DLC1: variants seen among roughly 807,000 people sequenced by gnomAD.
The protein encoded by DLC1 is rho GTPase-activating protein 7.
DLC1 carries 54 observed loss-of-function variants against 140.3 expected under a neutral mutation model. The observed-to-expected ratio is 0.38, with a 90% confidence interval of 0.31 to 0.48. DLC1 has a LOEUF of 0.48. DLC1 is among the 20% of genes least tolerant of loss of function. The pLI, the probability that DLC1 is intolerant of heterozygous loss-of-function variation, is 0.96. For missense variants in DLC1, 2,536 were observed against 1,907.0 expected, an observed-to-expected ratio of 1.33 and a Z score of -6.14; for synonymous variants, 986 against 728.1, an observed-to-expected ratio of 1.35 and a Z score of -5.70.
intron 4 of DLC1, among the ~76,000 whole-genome samples, chr8:13,387,952 A>G (rs1389174814): frequency 6.6e-6 from 1 of 152,048 alleles, no homozygotes; most frequent in African/African-American, 2.4e-5. Flanking sequence ...TCTTTGAAAG[A>G]CTGATGGAGT....
At chr8:13,437,689 AG>A (rs1428576864) in intron 2 of DLC1, among the ~76,000 whole-genome samples, 1 of 152,192 alleles carries the variant, frequency 6.6e-6, no homozygotes. Context: ...GCAGAGCTGC[AG>A]GGGCCTCTGA....
intron 1 of DLC1, among the ~76,000 whole-genome samples, chr8:13,600,106 C>T (rs1397590811): frequency 3.3e-5 from 5 of 151,940 alleles, no homozygotes; most frequent in African/African-American, 1.2e-4. Context: ...GAAACATGGT[C>T]CCCTTCTTTT....
At chr8:13,188,487 G>C (rs763526694) in intron 5 of DLC1, among the ~76,000 whole-genome samples, 11 of 149,398 alleles carry the variant, frequency 7.4e-5, no homozygotes, top group Admixed American at 3.3e-4. Context: ...GTTACTTTTG[G>C]GAGTTGAGAG....
chr8:13,257,931 G>A (rs1830315435), intron 5 of DLC1, among the ~76,000 whole-genome samples: 1 of 152,126 alleles, frequency 6.6e-6, no homozygotes, highest in Non-Finnish European at 1.5e-5. Context: ...CTAGAAAAGT[G>A]CCTAGGAAAT....
At chr8:13,220,992 C>G (rs1034838640) in intron 5 of DLC1, among the ~76,000 whole-genome samples, 18 of 152,104 alleles carry the variant, frequency 1.2e-4, no homozygotes, top group Non-Finnish European at 2.9e-5. Flanking sequence ...GTTAGGTGAT[C>G]ACATTTTAAA....
intron 1 of DLC1, among the ~76,000 whole-genome samples, chr8:13,570,840 G>C (rs533814022): frequency 4.6e-5 from 7 of 152,148 alleles, no homozygotes; most frequent in African/African-American, 1.4e-4. Flanking sequence ...AGTTTAGTTT[G>C]TAGAGTCTCC....
chr8:13,492,797 G>C (rs367832699), intron 2 of DLC1, among the ~76,000 whole-genome samples: 4 of 152,284 alleles, frequency 2.6e-5, no homozygotes, highest in African/African-American at 9.6e-5. Context: ...TGCATTTCAA[G>C]TTGGTTTTAG....
chr8:13,410,764 T>G (rs1837747163), intron 2 of DLC1, among the ~76,000 whole-genome samples: 1 of 152,184 alleles, frequency 6.6e-6, no homozygotes, highest in Admixed American at 6.5e-5. Context: ...ATTTGTTATG[T>G]GTACTCTCTG....
intron 2 of DLC1, among the ~76,000 whole-genome samples, chr8:13,450,798 C>T (rs1179565683): frequency 1.3e-5 from 2 of 151,588 alleles, no homozygotes; most frequent in East Asian, 1.9e-4. Flanking sequence ...CCTAGCACTT[C>T]GGGAGGCCGA....
chr8:13,144,968 C>T (rs1198665619), intron 5 of DLC1, among the ~76,000 whole-genome samples: 1 of 152,102 alleles, frequency 6.6e-6, no homozygotes, highest in Non-Finnish European at 1.5e-5. Flanking sequence ...TTTTGTTATG[C>T]AGCAACAGAT....
chr8:13,201,692 T>C (rs1008892897), intron 5 of DLC1, among the ~76,000 whole-genome samples: 28 of 152,174 alleles, frequency 1.8e-4, no homozygotes, highest in Non-Finnish European at 2.9e-4. Context: ...ATTCTGGACA[T>C]TCTTCTCTGT....
chr8:13,086,104 G>A, intron 17 of DLC1, 173 bp from the exon 18 acceptor site: 1 of 1,343,656 alleles, frequency 7.4e-7, no homozygotes, highest in African/African-American at 1.5e-5. Context: ...ATTTTCTAAG[G>A]GAACCAAATT....
chr8:13,488,342 TATTA>T (rs1331380738), intron 2 of DLC1, among the ~76,000 whole-genome samples: 20 of 152,324 alleles, frequency 1.3e-4, no homozygotes, highest in African/African-American at 4.6e-4. Flanking sequence ...TTAGCTTTTT[TATTA>T]ATTAATCAAA....
chr8:13,435,358 G>C (rs893330485), intron 2 of DLC1, among the ~76,000 whole-genome samples: 1 of 152,130 alleles, frequency 6.6e-6, no homozygotes, highest in Non-Finnish European at 1.5e-5. Context: ...TTGTTGCCCA[G>C]GCTGGAGTGC....
chr8:13,187,096 C>T (rs768880586), intron 5 of DLC1, among the ~76,000 whole-genome samples: 2 of 152,102 alleles, frequency 1.3e-5, no homozygotes, highest in Non-Finnish European at 2.9e-5. Context: ...ATCAGGTGGC[C>T]GTATTTCAAA....
At chr8:13,092,471 G>A in intron 13 of DLC1, 141 bp downstream of exon 13, 3 of 861,984 alleles carry the variant, frequency 3.5e-6, no homozygotes, top group Admixed American at 2.5e-5. Flanking sequence ...GTCTTTATTA[G>A]CGGTGTGAGA....
chr8:13,170,660 G>A (rs1033768970), intron 5 of DLC1, among the ~76,000 whole-genome samples: 1 of 151,156 alleles, frequency 6.6e-6, no homozygotes, highest in African/African-American at 2.4e-5. Flanking sequence ...AACCCGGGAG[G>A]CGGAGCTTGC....
intron 4 of DLC1, among the ~76,000 whole-genome samples, chr8:13,345,557 T>A (rs1028745569): frequency 1.5e-5 from 2 of 133,858 alleles, no homozygotes; most frequent in African/African-American, 5.7e-5. Context: ...CTTTTTTTTT[T>A]TTTTTTTTTT....
At chr8:13,131,670 G>T (rs997886334) in intron 5 of DLC1, among the ~76,000 whole-genome samples, 15 of 152,160 alleles carry the variant, frequency 9.9e-5, no homozygotes, top group Non-Finnish European at 1.9e-4. Flanking sequence ...TCGGGAACAG[G>T]CAACCTGCTA....
Sources: allele counts gnomAD v4.1 joint callset (sites outside exome capture counted in the v4.1 genomes callset), GRCh38; gene constraint gnomAD v4.1.1; transcripts MANE v1.5; gene names NCBI Gene and HGNC (gene_info 2026-07-23, HGNC 2026-07-21).